VTI1A: variants seen among roughly 807,000 people sequenced by gnomAD.
The protein encoded by VTI1A is vesicle transport through interaction with t-SNAREs homolog 1A.
Under a neutral mutation model 34.9 loss-of-function variants are expected in VTI1A, and 22 were observed. The observed-to-expected ratio is 0.63, with a 90% CI of 0.45 to 0.90. VTI1A has a LOEUF of 0.90. Among genes scored for constraint, VTI1A ranks in the 40% least tolerant of loss-of-function variants. The probability of loss-of-function intolerance (pLI) is 0.00; values close to 1 mark genes in which losing one functional copy is unlikely to be tolerated. For missense variants in VTI1A, 268 were observed against 275.6 expected, an observed-to-expected ratio of 0.97 and a Z score of 0.20; for synonymous variants, 87 against 97.3, an observed-to-expected ratio of 0.89 and a Z score of 0.62.
At chr10:112,822,625 C>T (rs752961896), downstream of VTI1A, among the ~76,000 whole-genome samples, 6 of 152,138 alleles carry the variant, frequency 3.9e-5, no homozygotes, top group South Asian at 2.1e-4. Flanking sequence ...ACACTGTGGC[C>T]GTCAGAGACT....
At chr10:112,737,937 G>C in intron 7 of VTI1A, 1 of 980,066 alleles carries the variant, frequency 1.0e-6, no homozygotes, top group South Asian at 4.7e-5. Context: ...GTCCCCTCTA[G>C]GCACATTTAG....
intron 5 of VTI1A, among the ~76,000 whole-genome samples, chr10:112,644,394 T>A (rs1846696250): frequency 6.6e-6 from 1 of 152,196 alleles, no homozygotes; most frequent in African/African-American, 2.4e-5. Context: ...TTTAATGAAA[T>A]CCATTTGACA....
chr10:112,815,339 A>G lies in VTI1A; in HGVS notation c.610A>G (p.Ile204Val), dbSNP rs1853486938. 2 of 1,614,108 alleles carry G rather than the reference A, an allele frequency of 1.2e-6. No individual in the cohort carries two copies. Among genetic ancestry groups the G allele is most frequent in the African/African-American group, 1.3e-5 (1 of 75,024 alleles). ...LLVILGIIVV[I>V]TILMAITFSV... ...CGTCATCCTAGGGATCATCGTGGTC[A>G]TCACCATCCTGATGGCGATCACTTT... is the stretch of plus-strand genomic sequence containing the variant. Residue 204 changes from isoleucine to valine, a missense_variant, in exon 8 of 8, where the codon ATC becomes GTC. By Grantham distance (29) the Ile-to-Val change is conservative. Transcript: ENST00000393077.
intron 7 of VTI1A, among the ~76,000 whole-genome samples, chr10:112,712,662 A>G (rs1047471254): frequency 6.6e-5 from 10 of 152,160 alleles, no homozygotes; most frequent in Middle Eastern, 3.2e-3. Flanking sequence ...ATGCCCTGAT[A>G]AGAAAAAGTG....
chr10:112,711,644 G>A (rs1011380879), intron 7 of VTI1A, among the ~76,000 whole-genome samples: 2 of 152,190 alleles, frequency 1.3e-5, no homozygotes, highest in South Asian at 4.1e-4. Context: ...CCCACACACG[G>A]TTGGTGTAAG....
Position 112,741,738 on chromosome 10 carries a change from C to CT in VTI1A, c.560+72746dup, listed in dbSNP as rs34086500. Among the ~76,000 whole-genome samples, 806 of 152,126 alleles carry CT rather than the reference C, an allele frequency of 5.3e-3. 8 individuals are homozygous for CT. The highest frequency in any genetic ancestry group is 0.018 in the African/African-American group (732 of 41,482). ...ATCTTCAAAAATCAACATATCTGAA[C>CT]TTTTTTACCAGCGTAGAAAAAAGGG... On this transcript the variant is annotated intron_variant, in intron 7 of 7. Coordinates refer to ENST00000393077, the MANE Select transcript of VTI1A (RefSeq NM_145206.4).
intron 7 of VTI1A, chr10:112,671,873 T>C (rs1847862156): frequency 6.6e-6 from 1 of 152,126 alleles, no homozygotes; most frequent in Admixed American, 6.6e-5. Context: ...TTCTTTCCTT[T>C]CTTCTCTTCT....
chr10:112,629,645 C>G (rs1054043346), intron 5 of VTI1A, among the ~76,000 whole-genome samples: 11 of 152,204 alleles, frequency 7.2e-5, no homozygotes, highest in African/African-American at 2.2e-4. Context: ...TAAAATGAGG[C>G]TATACAGCAG....
chr10:112,709,107 C>T (rs1849308881), intron 7 of VTI1A, among the ~76,000 whole-genome samples: 1 of 152,218 alleles, frequency 6.6e-6, no homozygotes, highest in Admixed American at 6.5e-5. Flanking sequence ...GACCGCCTTC[C>T]TCTGGCATAT....
intron 5 of VTI1A, among the ~76,000 whole-genome samples, chr10:112,635,568 T>C (rs1482169591): frequency 6.6e-6 from 1 of 152,058 alleles, no homozygotes; most frequent in Non-Finnish European, 1.5e-5. Context: ...TTTAGAAAGA[T>C]CAAACAATCG....
chr10:112,835,415 C>A, the VTI1A span, among the ~76,000 whole-genome samples: 1 of 152,188 alleles, frequency 6.6e-6, no homozygotes, highest in South Asian at 2.1e-4. Flanking sequence ...AGGCATGCTG[C>A]GATTGTTTTT....
intron 4 of VTI1A, among the ~76,000 whole-genome samples, chr10:112,534,178 T>C (rs902703253): frequency 6.6e-6 from 1 of 152,140 alleles, no homozygotes; most frequent in African/African-American, 2.4e-5. Context: ...TGCTGGACTG[T>C]TTCATAATGC....
At chr10:112,684,757 C>T (rs1349651661) in intron 7 of VTI1A, among the ~76,000 whole-genome samples, 1 of 152,108 alleles carries the variant, frequency 6.6e-6, no homozygotes, top group Non-Finnish European at 1.5e-5. Flanking sequence ...TCTTTTATGA[C>T]TTCCTCATTC....
chr10:112,807,868 A>T (rs925950552), intron 7 of VTI1A, among the ~76,000 whole-genome samples: 1 of 151,982 alleles, frequency 6.6e-6, no homozygotes, highest in Non-Finnish European at 1.5e-5. Context: ...AAAATAAAAA[A>T]TAAAAATAAA....
At chr10:112,566,927 A>G (rs1851924015) in intron 5 of VTI1A, among the ~76,000 whole-genome samples, 1 of 152,184 alleles carries the variant, frequency 6.6e-6, no homozygotes, top group South Asian at 2.1e-4. Context: ...TAATTTGGAC[A>G]TAGTATCTGA....
intron 5 of VTI1A, among the ~76,000 whole-genome samples, chr10:112,666,807 CAATT>C (rs761128235): frequency 1.6e-4 from 24 of 152,114 alleles, no homozygotes; most frequent in South Asian, 4.1e-4. Flanking sequence ...TTATATCAAT[CAATT>C]ATCATTCAAT....
chr10:112,450,589 C>G (rs979822434), intron 1 of VTI1A: 4 of 152,032 alleles, frequency 2.6e-5, no homozygotes, highest in African/African-American at 7.3e-5. Flanking sequence ...GAACTTTACT[C>G]TGCTGTGCAT....
At chr10:112,466,913 A>G (rs771009466) in intron 3 of VTI1A, among the ~76,000 whole-genome samples, 5 of 152,068 alleles carry the variant, frequency 3.3e-5, no homozygotes, top group Non-Finnish European at 7.4e-5. Flanking sequence ...GCTTCTCCCC[A>G]TGTCTTCATA....
chr10:112,645,343 A>G (rs1846733302), intron 5 of VTI1A, among the ~76,000 whole-genome samples: 1 of 152,178 alleles, frequency 6.6e-6, no homozygotes, highest in Non-Finnish European at 1.5e-5. Context: ...GTAAATGGGT[A>G]TATATTTGGT....
Sources: gnomAD v4.1 joint callset for allele counts (sites outside exome capture counted in the v4.1 genomes callset) on GRCh38, gnomAD v4.1.1 for gene constraint, MANE v1.5 for transcripts, NCBI Gene and HGNC (gene_info 2026-07-23, HGNC 2026-07-21) for gene names.